ZFPM2: variants seen among roughly 807,000 people sequenced by gnomAD.
The protein encoded by ZFPM2 is zinc finger protein, FOG family member 2, also known as zinc finger protein ZFPM2.
In ZFPM2, 20 loss-of-function variants were observed where a neutral mutation model predicts 98.6. The ratio of observed to expected loss-of-function variants is 0.20; its 90% confidence interval spans 0.14 to 0.29. The LOEUF (loss-of-function observed/expected upper bound fraction) is 0.29. Among genes scored for constraint, ZFPM2 ranks in the 10% least tolerant of loss-of-function variants. The probability of loss-of-function intolerance (pLI) is 1.00; values close to 1 mark genes in which losing one functional copy is unlikely to be tolerated. For missense variants in ZFPM2, 1,310 were observed against 1,388.6 expected (o/e 0.94, Z 0.90); for synonymous variants, 518 against 502.7 (o/e 1.03, Z -0.41).
intron 5 of ZFPM2, among the ~76,000 whole-genome samples, chr8:105,679,827 A>C (rs956003393): frequency 1.3e-5 from 2 of 151,682 alleles, no homozygotes; most frequent in African/African-American, 4.8e-5. Flanking sequence ...AGCAATATGT[A>C]TAAAAACATT....
intron 6 of ZFPM2, chr8:105,795,803 C>CTG: frequency 2.0e-6 from 1 of 492,044 alleles, no homozygotes; most frequent in Middle Eastern, 3.2e-4. Context: ...GTCCCAAGAT[C>CTG]TGTGTTCTAG....
intron 3 of ZFPM2, among the ~76,000 whole-genome samples, chr8:105,539,616 A>G (rs1205696498): frequency 2.6e-5 from 4 of 152,068 alleles, no homozygotes; most frequent in African/African-American, 9.7e-5. Context: ...AATAAAACTG[A>G]CCTCCAGCAA....
At chr8:105,779,038 A>G (rs1036499172) in intron 5 of ZFPM2, among the ~76,000 whole-genome samples, 19 of 152,052 alleles carry the variant, frequency 1.2e-4, no homozygotes, top group African/African-American at 4.3e-4. Context: ...TGGCGATGCT[A>G]TGCAGTAAAA....
At chr8:105,779,496 G>T (rs181232560) in intron 5 of ZFPM2, among the ~76,000 whole-genome samples, 1 of 152,168 alleles carries the variant, frequency 6.6e-6, no homozygotes, top group Non-Finnish European at 1.5e-5. Context: ...TTTTACCATT[G>T]TAAGAAGCCA....
chr8:105,521,835 C>A (rs531029889), intron 3 of ZFPM2, among the ~76,000 whole-genome samples: 1 of 152,142 alleles, frequency 6.6e-6, no homozygotes, highest in Non-Finnish European at 1.5e-5. Context: ...CCTCGGCCTC[C>A]CAAAGTGCTG....
intron 5 of ZFPM2, among the ~76,000 whole-genome samples, chr8:105,685,959 A>G (rs1043523851): frequency 6.6e-6 from 1 of 152,114 alleles, no homozygotes; most frequent in African/African-American, 2.4e-5. Context: ...GCTTTGTGTG[A>G]TATATAATTT....
intron 3 of ZFPM2, among the ~76,000 whole-genome samples, chr8:105,468,209 T>C (rs1014322859): frequency 6.6e-6 from 1 of 152,008 alleles, no homozygotes; most frequent in Non-Finnish European, 1.5e-5. Context: ...TAATCTTGTG[T>C]CTCCCTCAGG....
intron 3 of ZFPM2, among the ~76,000 whole-genome samples, chr8:105,533,607 G>A (rs1271284876): frequency 1.3e-5 from 2 of 151,870 alleles, no homozygotes; most frequent in Admixed American, 6.6e-5. Context: ...TAACTCTGTA[G>A]AACATTTCCA....
chr8:105,373,080 G>A (rs1422677757), intron 1 of ZFPM2, among the ~76,000 whole-genome samples: 1 of 152,090 alleles, frequency 6.6e-6, no homozygotes, highest in African/African-American at 2.4e-5. Context: ...TGTAAAACAA[G>A]AAGTCCATTA....
intron 3 of ZFPM2, among the ~76,000 whole-genome samples, chr8:105,446,661 T>C (rs1284496556): frequency 1.3e-5 from 2 of 152,156 alleles, no homozygotes; most frequent in Non-Finnish European, 2.9e-5. Flanking sequence ...GTAAAAAAAC[T>C]TTATACTCTT....
rs879635073 is a variant in ZFPM2 at position 105,318,461 on chromosome 8, A to G, written c.-481A>G. 2.7e-5 allele frequency among the ~76,000 whole-genome samples: 4 copies of G among 150,230 alleles called. No individual in the cohort carries two copies. The highest frequency in any genetic ancestry group is 4.5e-5 in the Non-Finnish European group (3 of 67,412). ...GCAGAACAGGAGCTGCGCGGCCCGG[A>G]GCGGCGGCGGCGGCGCCGGAGTATC... On this transcript the variant is annotated 5_prime_UTR_variant, in exon 1 of 8. Transcript: ENST00000407775.
chr8:105,547,221 G>T (rs1167325748), intron 3 of ZFPM2, among the ~76,000 whole-genome samples: 4 of 151,838 alleles, frequency 2.6e-5, no homozygotes, highest in Admixed American at 6.6e-5. Flanking sequence ...CTTTATTCTG[G>T]ATAACTGATA....
At chr8:105,377,389 T>C (rs1810748368) in intron 1 of ZFPM2, among the ~76,000 whole-genome samples, 1 of 152,026 alleles carries the variant, frequency 6.6e-6, no homozygotes, top group African/African-American at 2.4e-5. Flanking sequence ...CCCAAGGAAA[T>C]AGAGAACTTA....
At chr8:105,635,109 T>C (rs1414180916) in intron 5 of ZFPM2, among the ~76,000 whole-genome samples, 1 of 152,192 alleles carries the variant, frequency 6.6e-6, no homozygotes, top group Admixed American at 6.6e-5. Context: ...ACTCTTACAG[T>C]ATAATCCCTA....
chr8:105,539,430 T>G (rs2130620298), intron 3 of ZFPM2, among the ~76,000 whole-genome samples: 1 of 152,242 alleles, frequency 6.6e-6, no homozygotes, highest in East Asian at 1.9e-4. Flanking sequence ...ATCATAGGGG[T>G]GTCTTTCTGA....
chr8:105,452,968 ATAACT>A (rs148837552), intron 3 of ZFPM2, among the ~76,000 whole-genome samples: 524 of 152,322 alleles, frequency 3.4e-3, no homozygotes, highest in African/African-American at 0.012. Flanking sequence ...GGTTTTAAAA[ATAACT>A]TAAGTGGGCT....
At chr8:105,492,584 G>A (rs181125237) in intron 3 of ZFPM2, among the ~76,000 whole-genome samples, 290 of 152,220 alleles carry the variant, frequency 1.9e-3, no homozygotes, top group Non-Finnish European at 2.9e-3. Context: ...AAGGTAAGAA[G>A]TATTTTAGTA....
intron 5 of ZFPM2, among the ~76,000 whole-genome samples, chr8:105,652,597 A>G (rs145686740): frequency 3.7e-4 from 56 of 152,160 alleles, no homozygotes; most frequent in African/African-American, 1.3e-3. Flanking sequence ...ACTCACCATC[A>G]TTGTCTGGTA....
intron 1 of ZFPM2, among the ~76,000 whole-genome samples, chr8:105,418,158 G>GTGAGAA (rs571724413): frequency 7.1e-4 from 108 of 152,152 alleles, no homozygotes; most frequent in Non-Finnish European, 1.3e-3. Flanking sequence ...AAAAGTGAGA[G>GTGAGAA]TGAGAGGCTG....
Sources: gnomAD v4.1 joint callset for allele counts (sites outside exome capture counted in the v4.1 genomes callset) on GRCh38, gnomAD v4.1.1 for gene constraint, MANE v1.5 for transcripts, NCBI Gene and HGNC (gene_info 2026-07-23, HGNC 2026-07-21) for gene names.